The following TMEM183A variants were observed in gnomAD, a reference collection of about 807,000 sequenced individuals.
The protein encoded by TMEM183A is chromosome 1 open reading frame 37.
In TMEM183A, 21 loss-of-function variants were observed where a neutral mutation model predicts 46.7. The ratio of observed to expected loss-of-function variants is 0.45; its 90% CI spans 0.32 to 0.65. The LOEUF (loss-of-function observed/expected upper bound fraction) is 0.65, where lower values mean the gene tolerates loss of function less well. TMEM183A is among the 30% of genes least tolerant of loss of function. The probability of loss-of-function intolerance (pLI) is 0.04; values close to 1 mark genes in which losing one functional copy is unlikely to be tolerated. For missense variants in TMEM183A, 331 were observed against 481.9 expected (o/e 0.69, Z 2.93); for synonymous variants, 165 against 180.2 (o/e 0.92, Z 0.68).
At chr1:203,019,130 G>A (rs1657436361) in intron 6 of TMEM183A, among the ~76,000 whole-genome samples, 1 of 152,182 alleles carries the variant, frequency 6.6e-6, no homozygotes, top group Non-Finnish European at 1.5e-5. Context: ...ATGCTCAAAG[G>A]AAATGCCTAT....
chr1:203,008,184 G>A (rs150435279), intron 2 of TMEM183A, among the ~76,000 whole-genome samples: 224 of 152,260 alleles, frequency 1.5e-3, no homozygotes, highest in Middle Eastern at 6.8e-3. Flanking sequence ...ACCTTGGAGT[G>A]TTCTTTTCCT....
intron 3 of TMEM183A, among the ~76,000 whole-genome samples, chr1:203,009,327 G>A (rs948744821): frequency 1.3e-5 from 2 of 152,146 alleles, no homozygotes; most frequent in Non-Finnish European, 2.9e-5. Context: ...AGAAAAGTAG[G>A]TGATTTTTTT....
chr1:203,014,086 T>C (rs1656933739), intron 3 of TMEM183A, among the ~76,000 whole-genome samples: 1 of 152,226 alleles, frequency 6.6e-6, no homozygotes, highest in South Asian at 2.1e-4. Context: ...TTTTGTTTTT[T>C]TTCCTGACTG....
intron 3 of TMEM183A, among the ~76,000 whole-genome samples, chr1:203,010,609 T>G (rs1656475871): frequency 6.6e-6 from 1 of 152,238 alleles, no homozygotes; most frequent in African/African-American, 2.4e-5. Flanking sequence ...TGTCCTTAAT[T>G]TTTCACTTGA....
Position 203,013,121 on chromosome 1 carries a change from T to G in TMEM183A, c.368-1768T>G, listed in dbSNP as rs1321820080. On this transcript the variant is annotated intron_variant, in intron 3 of 7. Transcript: ENST00000367242. The surrounding 1 kb of genome is among the most constrained non-coding windows in gnomAD (Gnocchi z 4.0). ...TAGACATGGTAGACTGTGTCTTGCA[T>G]GATTACTGGAGATTATAAGAAGGAT... Among the ~76,000 whole-genome samples the G allele has an allele frequency of 6.6e-6, 1 of 152,198 alleles. No homozygotes were observed. The highest frequency in any genetic ancestry group is 1.5e-5 in the Non-Finnish European group (1 of 68,030).
At position 203,007,502 on chromosome 1, in the gene TMEM183A, C is replaced by A. The variant is rs372517637; in HGVS notation, c.37C>A (p.Pro13Thr). 1 of 1,527,142 alleles carries A rather than the reference C, an allele frequency of 6.5e-7. No homozygotes were observed. Among genetic ancestry groups the A allele is most frequent in the East Asian group, 2.5e-5 (1 of 40,716 alleles). 94.6% of individuals were successfully genotyped at this position (1,527,142 alleles called of 1,614,324 possible). Reference sequence around the variant, plus strand: ...GCCCGGCCCGCTAGGCAGGCCTCGCCCCGATACGGTCGCCATGCCCAAGAG... The same window carrying A: ...GCCCGGCCCGCTAGGCAGGCCTCGCACCGATACGGTCGCCATGCCCAAGAG... ...RGPGPLGRPR[P>T]DTVAMPKRGK... The change falls in exon 1 of 8, where the codon CCC becomes ACC. Residue 13 changes from proline to threonine, a missense_variant. Physicochemically the swap from Pro to Thr is conservative, Grantham distance 38 (BLOSUM62 -1). Coordinates refer to ENST00000367242, the MANE Select transcript of TMEM183A (RefSeq NM_138391.6).
chr1:203,020,455 A>G (rs1657556892), intron 6 of TMEM183A, among the ~76,000 whole-genome samples: 1 of 152,198 alleles, frequency 6.6e-6, no homozygotes, highest in Admixed American at 6.5e-5. Context: ...TTTGTGCAGC[A>G]GATGTTCTTT....
At chr1:203,014,804 C>G in intron 3 of TMEM183A, 85 bp from the exon 4 acceptor site, 1 of 1,537,788 alleles carries the variant, frequency 6.5e-7, no homozygotes, top group Non-Finnish European at 8.8e-7. Context: ...CTTAACTGTG[C>G]AATCAATCCT....
chr1:203,018,404 G>T lies in TMEM183A; in HGVS notation c.709-77G>T. On this transcript the variant is annotated intron_variant, in intron 5 of 7. Transcript: ENST00000367242. ...GCTGTCAAACAGAAAGGTTTTTGGT[G>T]ATTATTTTGGTTGTAGTGTATTTTG... The T allele has an allele frequency of 2.6e-6, 4 of 1,514,722 alleles. No individual in the cohort carries two copies. In the South Asian group the frequency reaches 3.7e-5, roughly 14 times the overall value. 93.8% of individuals were successfully genotyped at this position (1,514,722 alleles called of 1,614,324 possible).
intron 2 of TMEM183A, among the ~76,000 whole-genome samples, chr1:203,008,175 C>T (rs1344562106): frequency 2.0e-5 from 3 of 152,258 alleles, no homozygotes; most frequent in Middle Eastern, 3.4e-3. Flanking sequence ...TGTTTAATAA[C>T]CTTGGAGTGT....
intron 5 of TMEM183A, 110 bp from the exon 6 acceptor site, chr1:203,018,371 G>GC: frequency 7.9e-7 from 1 of 1,267,166 alleles, no homozygotes; most frequent in East Asian, 2.5e-5. Context: ...ACCGTGGCTG[G>GC]CTTTAGAGCT....
At chr1:203,010,201 C>G (rs1208811007) in intron 3 of TMEM183A, among the ~76,000 whole-genome samples, 3 of 151,822 alleles carry the variant, frequency 2.0e-5, no homozygotes, top group Admixed American at 1.3e-4. Flanking sequence ...GATTTACCAG[C>G]ACTTTCACCT....
chr1:203,014,598 C>G (rs1656985432), intron 3 of TMEM183A, among the ~76,000 whole-genome samples: 1 of 151,124 alleles, frequency 6.6e-6, no homozygotes, highest in Non-Finnish European at 1.5e-5. Flanking sequence ...GCATTCCAGC[C>G]TGGGCAACAG....
chr1:203,015,106 G>T, intron 4 of TMEM183A, 58 bp downstream of exon 4: 5 of 1,595,508 alleles, frequency 3.1e-6, no homozygotes, highest in Non-Finnish European at 3.4e-6. Context: ...TACTGTTTGT[G>T]ATTTGGAGCT....
At chr1:203,018,401 G>T in intron 5 of TMEM183A, 80 bp from the exon 6 acceptor site, 1 of 1,500,498 alleles carries the variant, frequency 6.7e-7, no homozygotes, top group Non-Finnish European at 9.0e-7. Context: ...AAAGGTTTTT[G>T]GTGATTATTT....
Position 203,013,488 on chromosome 1 carries a change from G to A in TMEM183A, c.368-1401G>A, listed in dbSNP as rs1656867111. On this transcript the variant is annotated intron_variant, in intron 3 of 7. Transcript: ENST00000367242. This position sits in a 1 kb window ranked among gnomAD's most constrained non-coding sequence, Gnocchi z 4.0. ...AGTTCTGGAGAATTAATGCTAATGA[G>A]TTCTGAAGAAGGAAGAGATAGGGAC... Among the ~76,000 whole-genome samples, 2 of 151,926 alleles carry A rather than the reference G, an allele frequency of 1.3e-5. No individual in the cohort carries two copies. Among genetic ancestry groups the A allele is most frequent in the Admixed American group, 6.6e-5 (1 of 15,242 alleles).
At chr1:203,007,912 AG>A in intron 2 of TMEM183A, 49 bp downstream of exon 2, 1 of 1,600,680 alleles carries the variant, frequency 6.2e-7, no homozygotes, top group African/African-American at 1.3e-5. Context: ...AGACAGAACT[AG>A]GTATTTTATT....
In TMEM183A at chr1:203,015,778, T is replaced by G. The variant is rs1657109460; in HGVS notation, c.528-182T>G. 4.4e-6 allele frequency: 3 copies of G among 685,158 alleles called. No individual in the cohort carries two copies. The Admixed American group carries it at 9.6e-5, about 22-fold the overall frequency. 42.4% of individuals were successfully genotyped at this position (685,158 alleles called of 1,614,324 possible). On this transcript the variant is annotated intron_variant, in intron 4 of 7. Coordinates refer to ENST00000367242, the MANE Select transcript of TMEM183A (RefSeq NM_138391.6). ...TCAACTTTAAAAATGGATGGAGAACTGCCGGATTACAAGGCAAAGACGTAA... is the reference window on the plus strand; with the variant it reads ...TCAACTTTAAAAATGGATGGAGAACGGCCGGATTACAAGGCAAAGACGTAA...
chr1:203,022,618 G>A (rs942808530), intron 7 of TMEM183A, among the ~76,000 whole-genome samples: 1 of 151,014 alleles, frequency 6.6e-6, no homozygotes, highest in Admixed American at 6.6e-5. Flanking sequence ...CACAAGAATC[G>A]TTTGATCCCA....
Sources: gnomAD v4.1 joint callset for allele counts (sites outside exome capture counted in the v4.1 genomes callset) on GRCh38, gnomAD v4.1.1 for gene constraint, Gnocchi (gnomAD v3.1) non-coding constraint, MANE v1.5 for transcripts, NCBI Gene and HGNC (gene_info 2026-07-23, HGNC 2026-07-21) for gene names.